BCL2L14: variants seen among roughly 807,000 people sequenced by gnomAD.
The protein encoded by BCL2L14 is BCL2 like 14, also known as apoptosis facilitator Bcl-2-like protein 14.
Under a neutral mutation model 35.3 loss-of-function variants are expected in BCL2L14, and 27 were observed. The ratio of observed to expected loss-of-function variants is 0.76; its 90% CI spans 0.56 to 1.05. The LOEUF (loss-of-function observed/expected upper bound fraction) is 1.05, where lower values mean the gene tolerates loss of function less well. Ranked by LOEUF, BCL2L14 falls within the 50% of genes least tolerant of loss-of-function variation. The probability of loss-of-function intolerance (pLI) is 0.00; values close to 1 mark genes in which losing one functional copy is unlikely to be tolerated. For synonymous variants in BCL2L14, 139 were observed against 145.9 expected, an observed-to-expected ratio of 0.95 and a Z score of 0.34; for missense variants, 377 against 382.6, an observed-to-expected ratio of 0.99 and a Z score of 0.12.
At chr12:12,091,151 A>G (rs952898328) in intron 4 of BCL2L14, among the ~76,000 whole-genome samples, 12 of 152,236 alleles carry the variant, frequency 7.9e-5, no homozygotes, top group Admixed American at 2.0e-4. Context: ...GGAATTATTA[A>G]TCTCATTCCC....
chr12:12,063,657 T>G (rs1279534422), intron 2 of BCL2L14, among the ~76,000 whole-genome samples: 1 of 152,186 alleles, frequency 6.6e-6, no homozygotes, highest in Non-Finnish European at 1.5e-5. Flanking sequence ...GTTTTATTTT[T>G]CTTATTAATA....
intron 2 of BCL2L14, among the ~76,000 whole-genome samples, chr12:12,062,268 T>G (rs1314724289): frequency 2.1e-5 from 3 of 144,730 alleles, no homozygotes; most frequent in Non-Finnish European, 4.5e-5. Flanking sequence ...ATACCACACC[T>G]GACCCCCATG....
chr12:12,056,123 T>C (rs10772526), intron 2 of BCL2L14, among the ~76,000 whole-genome samples: 94,271 of 151,916 alleles, frequency 0.62, 30,081 homozygotes, highest in East Asian at 0.78. Flanking sequence ...CCCCACCTTA[T>C]TCCTTGGTTA....
rs1948789659 is a variant in BCL2L14, at chr12:12,076,826, C to T, written c.-7-2473C>T. 2.0e-5 allele frequency among the ~76,000 whole-genome samples: 3 copies of T among 152,280 alleles called. No individual in the cohort carries two copies. The South Asian group carries it at 6.2e-4, about 32-fold the overall frequency. On this transcript the variant is annotated intron_variant, in intron 1 of 5. Transcript: ENST00000308721. ...TGGAAAAAGGCAGCATCCAGCAGGC[C>T]CTCAGGGGAGATATTTCAGCTCCTA...
At chr12:12,078,937 C>T (rs1378792789) in intron 1 of BCL2L14, among the ~76,000 whole-genome samples, 5 of 152,228 alleles carry the variant, frequency 3.3e-5, no homozygotes, top group Non-Finnish European at 5.9e-5. Context: ...GCCGGGTCTA[C>T]AGGCGTGCGC....
chr12:12,062,507 T>C (rs1948540946), intron 2 of BCL2L14, among the ~76,000 whole-genome samples: 2 of 151,586 alleles, frequency 1.3e-5, no homozygotes, highest in African/African-American at 4.9e-5. Context: ...AACTTCTCAG[T>C]GTTCCATCTG....
At chr12:12,070,048 G>T (rs1053754695), upstream of BCL2L14, among the ~76,000 whole-genome samples, 1 of 152,140 alleles carries the variant, frequency 6.6e-6, no homozygotes, top group Non-Finnish European at 1.5e-5. Flanking sequence ...TTTCACTTAA[G>T]ACTCTGGAAA....
chr12:12,064,444 G>A (rs535357642), intron 2 of BCL2L14, among the ~76,000 whole-genome samples: 1 of 151,562 alleles, frequency 6.6e-6, no homozygotes, highest in Non-Finnish European at 1.5e-5. Flanking sequence ...TAACTCTTTT[G>A]TATCTCAGTT....
chr12:12,087,465 C>G lies in BCL2L14; in HGVS notation c.607+79C>G, dbSNP rs376249836. The G allele has an allele frequency of 3.4e-6, 5 of 1,485,684 alleles. No individual in the cohort carries two copies. In the South Asian group the frequency reaches 5.0e-5, roughly 15 times the overall value. 92.0% of individuals were successfully genotyped at this position (1,485,684 alleles called of 1,614,324 possible). On this transcript the variant is annotated intron_variant, in intron 3 of 5. Transcript: ENST00000308721. ...TTGTGTATTTATCCATCCCAGGGCT[C>G]GGCAACTTGACAGTCTCCGCTGCCT...
chr12:12,058,788 G>A (rs1948472910), intron 2 of BCL2L14, among the ~76,000 whole-genome samples: 1 of 152,164 alleles, frequency 6.6e-6, no homozygotes, highest in Non-Finnish European at 1.5e-5. Context: ...CATGAAATTT[G>A]GTGCCATGAC....
intron 1 of BCL2L14, among the ~76,000 whole-genome samples, chr12:12,073,073 A>G (rs1948702037): frequency 6.6e-6 from 1 of 152,032 alleles, no homozygotes; most frequent in African/African-American, 2.4e-5. Flanking sequence ...TTTTTTGTAG[A>G]GACGGAGCCA....
Position 12,099,080 on chromosome 12 carries a change from G to A in BCL2L14, c.*92G>A. The A allele has an allele frequency of 9.9e-6, 9 of 906,182 alleles. 1 individual carries two copies. In the South Asian group the frequency reaches 1.2e-4, roughly 12 times the overall value. 56.1% of individuals were successfully genotyped at this position (906,182 alleles called of 1,614,324 possible). On this transcript the variant is annotated 3_prime_UTR_variant, in exon 6 of 6. Coordinates refer to ENST00000308721, the MANE Select transcript of BCL2L14 (RefSeq NM_138723.2). ...GACTACAGGAGATTACAACGTACAA[G>A]GCAGATGGAGCATTGACGTTTTCAA...
intron 4 of BCL2L14, chr12:12,094,402 C>A: frequency 9.9e-7 from 1 of 1,011,440 alleles, no homozygotes; most frequent in Non-Finnish European, 1.5e-6. Flanking sequence ...TATAAGTGCT[C>A]AGGAAATATT....
In BCL2L14 at chr12:12,094,937, G is replaced by A. The variant is rs200323421; in HGVS notation, c.945+7G>A. Reference sequence around the variant, plus strand: ...CCAGCAGCACGGTGGATGGGTAAGCGTATCCTATTTAAAAACAAATTTTCT... The same window carrying A: ...CCAGCAGCACGGTGGATGGGTAAGCATATCCTATTTAAAAACAAATTTTCT... On this transcript the variant is annotated splice_region_variant and intron_variant, in intron 5 of 5. Coordinates refer to ENST00000308721, the MANE Select transcript of BCL2L14 (RefSeq NM_138723.2). The A allele has an allele frequency of 1.5e-4, 239 of 1,608,636 alleles. 1 individual carries two copies. In the East Asian group the frequency reaches 3.2e-3, roughly 22 times the overall value.
chr12:12,050,854 C>T (rs1002964897), intron 1 of BCL2L14, among the ~76,000 whole-genome samples: 1 of 148,402 alleles, frequency 6.7e-6, no homozygotes, highest in Non-Finnish European at 1.5e-5. Flanking sequence ...GTGCATAAAT[C>T]TCATAATGTT....
At chr12:12,078,529 C>G (rs1948833036) in intron 1 of BCL2L14, among the ~76,000 whole-genome samples, 1 of 152,250 alleles carries the variant, frequency 6.6e-6, no homozygotes, top group South Asian at 2.1e-4. Context: ...TTTCCCTCCA[C>G]TATTTTCAAG....
At chr12:12,050,445 AAAAAGAAAAG>A (rs150065716) in intron 1 of BCL2L14, among the ~76,000 whole-genome samples, 27 of 131,116 alleles carry the variant, frequency 2.1e-4, no homozygotes, top group Non-Finnish European at 3.1e-4. Flanking sequence ...AAAAAAAAAA[AAAAAGAAAAG>A]AAAAGAAAAG....
intron 2 of BCL2L14, among the ~76,000 whole-genome samples, chr12:12,083,760 C>A (rs1264767333): frequency 6.6e-6 from 1 of 152,006 alleles, no homozygotes; most frequent in African/African-American, 2.4e-5. Context: ...GCCTGAGCAA[C>A]ATGACAAAAC....
intron 1 of BCL2L14, among the ~76,000 whole-genome samples, chr12:12,074,501 C>T (rs1336374510): frequency 1.3e-5 from 2 of 151,938 alleles, no homozygotes; most frequent in East Asian, 1.9e-4. Context: ...TGCAGTGGCA[C>T]CATCTCAGCT....
Sources: allele counts gnomAD v4.1 joint callset (sites outside exome capture counted in the v4.1 genomes callset), GRCh38; gene constraint gnomAD v4.1.1; transcripts MANE v1.5; gene names NCBI Gene and HGNC (gene_info 2026-07-23, HGNC 2026-07-21).